Variants in RP1 observed in about 807,000 individuals in gnomAD.
The protein encoded by RP1 is oxygen-regulated protein 1.
A neutral mutation model predicts 14.8 loss-of-function variants in RP1; 16 were observed. The ratio of observed to expected loss-of-function variants is 1.08; its 90% CI spans 0.73 to 1.65. The LOEUF (loss-of-function observed/expected upper bound fraction) is 1.65, where lower values mean the gene tolerates loss of function less well. RP1 is among the 40% of genes most tolerant of loss of function. RP1 has a pLI of 0.00. For missense variants in RP1, 2,631 were observed against 2,535.0 expected, an observed-to-expected ratio of 1.04 and a Z score of -0.81; for synonymous variants, 876 against 883.6, an observed-to-expected ratio of 0.99 and a Z score of 0.15.
chr8:54,578,020 C>T (rs1804698653), intron 1 of RP1, among the ~76,000 whole-genome samples: 1 of 151,678 alleles, frequency 6.6e-6, no homozygotes, highest in Non-Finnish European at 1.5e-5. Context: ...CATATGTATA[C>T]ATGTGCCATG....
In RP1 at chr8:54,574,297, C is replaced by T. The variant is rs144920156; in HGVS notation, c.-13+14977C>T. On this transcript the variant is annotated intron_variant, in intron 1 of 22. Transcript: ENST00000636932. ...ACTGTGAAAGAATGCTATTGGGAGC[C>T]GAAGCGGGGTGAGACCCTGGTAGCA... Among the ~76,000 whole-genome samples the T allele has an allele frequency of 2.5e-3, 382 of 152,140 alleles. 2 individuals are homozygous for T. The highest frequency in any genetic ancestry group is 8.2e-3 in the African/African-American group (339 of 41,502).
intron 24 of RP1, among the ~76,000 whole-genome samples, chr8:54,812,465 A>T (rs750009961): frequency 6.6e-6 from 1 of 152,188 alleles, no homozygotes; most frequent in Non-Finnish European, 1.5e-5. Flanking sequence ...AAATGCATAT[A>T]TTAATAGTTT....
chr8:54,815,735 G>C (rs905187486), intron 24 of RP1, among the ~76,000 whole-genome samples: 2 of 152,078 alleles, frequency 1.3e-5, no homozygotes. Context: ...GAGAGAGAAT[G>C]CTGAATACCA....
chr8:54,667,069 G>A (rs1009571219), intron 7 of RP1, among the ~76,000 whole-genome samples: 4 of 151,978 alleles, frequency 2.6e-5, no homozygotes, highest in African/African-American at 9.7e-5. Context: ...AGTCAGGAAC[G>A]GGAACTCCTT....
exon 10 of RP1, chr8:54,679,475 G>C: frequency 6.5e-7 from 1 of 1,535,922 alleles, no homozygotes. Context: ...GTATGCCAGG[G>C]ATAACAGTAT....
intron 1 of RP1, chr8:54,560,465 A>C (rs1804261155): frequency 6.6e-6 from 1 of 151,980 alleles, no homozygotes; most frequent in Admixed American, 6.6e-5. Flanking sequence ...CCTAAGTCTT[A>C]GTGTAGGTGC....
chr8:54,628,177 A>G lies in RP1; in HGVS notation c.4295A>G (p.Asn1432Ser), dbSNP rs374207818. The G allele has an allele frequency of 5.6e-6, 9 of 1,613,918 alleles. No individual in the cohort carries two copies. The East Asian group carries it at 6.7e-5, about 12-fold the overall frequency. ...TCACTAAGGAAGTTTCAGGATGAAAATGCATATACTTCCTTTGATATGGAA... is the reference window on the plus strand; with the variant it reads ...TCACTAAGGAAGTTTCAGGATGAAAGTGCATATACTTCCTTTGATATGGAA... Reference protein sequence around the residue: ...NCSLRKFQDENAYTSFDMEEP... With the variant: ...NCSLRKFQDESAYTSFDMEEP... The change falls in exon 4 of 4, where the codon AAT (asparagine) becomes AGT (serine). Residue 1432 changes from asparagine (N) to serine (S), a missense_variant. Asn to Ser is a conservative substitution (Grantham distance 46). Coordinates refer to ENST00000220676, the MANE Select transcript of RP1 (RefSeq NM_006269.2).
Position 54,628,343 on chromosome 8 carries a change from G to A in RP1, c.4461G>A (p.Glu1487=). ...DIFNTVVNGG[E]QATEELIQEE... is the part of the protein sequence containing the mutation. Reference sequence around the variant, plus strand: ...TTAATACAGTGGTAAATGGAGGAGAGCAAGCCACTGAAGAATTAATCCAAG... The same window carrying A: ...TTAATACAGTGGTAAATGGAGGAGAACAAGCCACTGAAGAATTAATCCAAG... Residue 1487 remains glutamate (E), a synonymous_variant, in exon 4 of 4, where the codon GAG becomes GAA. Coordinates refer to ENST00000220676, the MANE Select transcript of RP1 (RefSeq NM_006269.2). The A allele has an allele frequency of 3.1e-6, 5 of 1,613,756 alleles. No individual in the cohort carries two copies. The highest frequency in any genetic ancestry group is 4.2e-6 in the Non-Finnish European group (5 of 1,179,890).
At chr8:54,606,321 T>C (rs975030227) in intron 1 of RP1, among the ~76,000 whole-genome samples, 4 of 152,180 alleles carry the variant, frequency 2.6e-5, no homozygotes, top group African/African-American at 9.7e-5. Flanking sequence ...TGGCTTGATA[T>C]GAAATTCTGA....
intron 24 of RP1, among the ~76,000 whole-genome samples, chr8:54,808,156 G>A (rs1170908962): frequency 6.6e-6 from 1 of 152,114 alleles, no homozygotes; most frequent in African/African-American, 2.4e-5. Flanking sequence ...GGTTCACTGA[G>A]GTACAAGAAA....
chr8:54,820,477 AT>A (rs1330522893), intron 24 of RP1, among the ~76,000 whole-genome samples: 5 of 151,964 alleles, frequency 3.3e-5, no homozygotes, highest in African/African-American at 1.2e-4. Context: ...GGGGTGGAGG[AT>A]TCCCCTCTGG....
chr8:54,649,993 CATT>C (rs1806623905), intron 4 of RP1, among the ~76,000 whole-genome samples: 1 of 152,072 alleles, frequency 6.6e-6, no homozygotes, highest in Non-Finnish European at 1.5e-5. Context: ...AAGATTTTGT[CATT>C]ATTTTCTGTG....
chr8:54,791,462 T>C (rs1450433414), intron 24 of RP1, among the ~76,000 whole-genome samples: 1 of 152,140 alleles, frequency 6.6e-6, no homozygotes, highest in Non-Finnish European at 1.5e-5. Context: ...ATTTTTATTA[T>C]GGTGATGCAT....
At chr8:54,823,351 C>G (rs10106067) in intron 24 of RP1, among the ~76,000 whole-genome samples, 47,793 of 151,902 alleles carry the variant, frequency 0.31, 7,678 homozygotes, top group South Asian at 0.37. Flanking sequence ...TATTTTTTGA[C>G]ATGGAGTCTC....
chr8:54,776,243 C>T (rs1585682267), intron 23 of RP1, among the ~76,000 whole-genome samples: 1 of 152,140 alleles, frequency 6.6e-6, no homozygotes. Flanking sequence ...GCTCTGTCAC[C>T]CAGGGTAGAG....
At chr8:54,756,550 G>C (rs564470472) in intron 21 of RP1, among the ~76,000 whole-genome samples, 1 of 152,188 alleles carries the variant, frequency 6.6e-6, no homozygotes, top group Non-Finnish European at 1.5e-5. Context: ...AGGAAAGCCA[G>C]TTCTGCTTTG....
intron 14 of RP1, among the ~76,000 whole-genome samples, chr8:54,705,379 G>A (rs1183240603): frequency 6.6e-6 from 1 of 152,224 alleles, no homozygotes; most frequent in Non-Finnish European, 1.5e-5. Flanking sequence ...TACTTTCTCA[G>A]CACTGGTGTG....
At chr8:54,619,588 G>A (rs1308208227) in intron 1 of RP1, among the ~76,000 whole-genome samples, 1 of 152,200 alleles carries the variant, frequency 6.6e-6, no homozygotes, top group Non-Finnish European at 1.5e-5. Context: ...CTGAGAAGTG[G>A]AAAAGGAAAA....
chr8:54,699,641 A>G (rs1807965263), intron 13 of RP1: 2 of 666,082 alleles, frequency 3.0e-6, no homozygotes, highest in African/African-American at 1.9e-5. Flanking sequence ...TATAAGATAC[A>G]TTTATAAGAT....
Sources: gnomAD v4.1 joint callset for allele counts (sites outside exome capture counted in the v4.1 genomes callset) on GRCh38, gnomAD v4.1.1 for gene constraint, MANE v1.5 for transcripts, NCBI Gene and HGNC (gene_info 2026-07-23, HGNC 2026-07-21) for gene names.